Variants in PPP1R9A observed in about 807,000 individuals in gnomAD.
PPP1R9A encodes neurabin-1.
In PPP1R9A, 59 loss-of-function variants were observed where a neutral mutation model predicts 141.9. That is an observed-to-expected ratio of 0.42 (90% CI 0.34 to 0.52). The LOEUF (loss-of-function observed/expected upper bound fraction) is 0.52, where lower values mean the gene tolerates loss of function less well. PPP1R9A is among the 20% of genes least tolerant of loss of function. The probability of loss-of-function intolerance (pLI) is 0.10; values close to 1 mark genes in which losing one functional copy is unlikely to be tolerated. For missense variants in PPP1R9A, 1,444 were observed against 1,611.9 expected, an observed-to-expected ratio of 0.90 and a Z score of 1.78; for synonymous variants, 500 against 569.7, an observed-to-expected ratio of 0.88 and a Z score of 1.74.
At chr7:95,111,478 G>A in intron 3 of PPP1R9A, 87 bp downstream of exon 3, 2 of 1,267,988 alleles carry the variant, frequency 1.6e-6, no homozygotes, top group East Asian at 2.5e-5. Context: ...TTTTTTCTAA[G>A]GATTGGATAA....
chr7:95,141,278 T>C (rs1826632698), intron 4 of PPP1R9A, among the ~76,000 whole-genome samples: 1 of 152,180 alleles, frequency 6.6e-6, no homozygotes, highest in African/African-American at 2.4e-5. Flanking sequence ...TATATTTTAT[T>C]GGAATGATGA....
At chr7:95,009,316 TA>T (rs1482109557) in intron 2 of PPP1R9A, among the ~76,000 whole-genome samples, 1 of 152,044 alleles carries the variant, frequency 6.6e-6, no homozygotes, top group Non-Finnish European at 1.5e-5. Context: ...AAATATATAT[TA>T]AAAAAAGACT....
rs566573298 is a variant in PPP1R9A, at chr7:94,925,722, C to T, written c.1395+14214C>T. On this transcript the variant is annotated intron_variant, in intron 2 of 19. Coordinates refer to ENST00000433360, the MANE Select transcript of PPP1R9A (RefSeq NM_001166160.2). ...CACCGCTTGGCACATTGTAGGTACA[C>T]AGTTGGTGTTAATAACCTGTTATGT... Among the ~76,000 whole-genome samples, 8 of 152,228 alleles carry T rather than the reference C, an allele frequency of 5.3e-5. No homozygotes were observed. In the East Asian group the frequency reaches 1.2e-3, roughly 22 times the overall value.
chr7:95,078,972 G>A (rs940129677), intron 2 of PPP1R9A, among the ~76,000 whole-genome samples: 1 of 152,084 alleles, frequency 6.6e-6, no homozygotes, highest in African/African-American at 2.4e-5. Context: ...CTGTGCAGAA[G>A]CTCTTTAGTT....
intron 2 of PPP1R9A, among the ~76,000 whole-genome samples, chr7:95,016,540 C>A (rs1271446099): frequency 6.6e-6 from 1 of 151,820 alleles, no homozygotes; most frequent in Non-Finnish European, 1.5e-5. Flanking sequence ...CCTAAGAATA[C>A]AAGGTTTATT....
chr7:95,075,426 G>C (rs1271437232), intron 2 of PPP1R9A, among the ~76,000 whole-genome samples: 1 of 152,104 alleles, frequency 6.6e-6, no homozygotes, highest in East Asian at 1.9e-4. Context: ...ACATTACCAG[G>C]AAGAAAAACA....
At chr7:95,259,435 G>A (rs573373933) in intron 12 of PPP1R9A, among the ~76,000 whole-genome samples, 3 of 152,054 alleles carry the variant, frequency 2.0e-5, no homozygotes, top group African/African-American at 7.2e-5. Flanking sequence ...ATTAGTTTAA[G>A]GTTTAGTAAG....
intron 5 of PPP1R9A, among the ~76,000 whole-genome samples, chr7:95,173,415 C>A (rs1353888299): frequency 6.6e-6 from 1 of 151,752 alleles, no homozygotes; most frequent in Non-Finnish European, 1.5e-5. Flanking sequence ...TGCATATATA[C>A]CCTCTAAATG....
intron 2 of PPP1R9A, among the ~76,000 whole-genome samples, chr7:94,954,708 T>C (rs991141186): frequency 5.3e-5 from 8 of 151,502 alleles, no homozygotes; most frequent in African/African-American, 1.9e-4. Flanking sequence ...GTTTTTTTTT[T>C]CCTCTTTTTT....
At chr7:95,247,356 C>T (rs929576932) in intron 8 of PPP1R9A, 117 bp from the exon 9 acceptor site, 6 of 738,396 alleles carry the variant, frequency 8.1e-6, no homozygotes, top group Non-Finnish European at 1.1e-5. Context: ...ACTTGCTGCA[C>T]TGCAGCACTT....
intron 5 of PPP1R9A, among the ~76,000 whole-genome samples, chr7:95,176,061 C>T (rs776870905): frequency 5.3e-5 from 8 of 151,812 alleles, no homozygotes; most frequent in Admixed American, 3.3e-4. Context: ...TCAGAAAACC[C>T]GAGAGGACCC....
chr7:95,265,094 G>A (rs955281783), intron 12 of PPP1R9A, among the ~76,000 whole-genome samples: 2 of 152,048 alleles, frequency 1.3e-5, no homozygotes, highest in African/African-American at 4.8e-5. Flanking sequence ...TTTTATTCTT[G>A]GATATATGTA....
intron 2 of PPP1R9A, among the ~76,000 whole-genome samples, chr7:95,020,373 A>C (rs1805762104): frequency 6.6e-6 from 1 of 152,352 alleles, no homozygotes; most frequent in East Asian, 1.9e-4. Flanking sequence ...AAACGAAGAT[A>C]TAAATTAAAT....
intron 2 of PPP1R9A, among the ~76,000 whole-genome samples, chr7:95,074,020 C>T (rs907203815): frequency 3.3e-5 from 5 of 152,186 alleles, no homozygotes; most frequent in Non-Finnish European, 5.9e-5. Context: ...AGCTATGCTG[C>T]TTGGAATTGA....
intron 8 of PPP1R9A, among the ~76,000 whole-genome samples, chr7:95,239,064 T>A (rs1467393954): frequency 6.6e-6 from 1 of 152,160 alleles, no homozygotes; most frequent in Non-Finnish European, 1.5e-5. Flanking sequence ...TTTTTTTGAA[T>A]GTGTTGCTTT....
chr7:94,962,156 A>G (rs551714274), intron 2 of PPP1R9A, among the ~76,000 whole-genome samples: 208 of 152,092 alleles, frequency 1.4e-3, no homozygotes, highest in African/African-American at 4.9e-3. Flanking sequence ...ACTTTAAAAA[A>G]TATTTGTTTA....
chr7:95,077,988 TTTA>T lies in PPP1R9A; in HGVS notation c.1396-33270_1396-33268del, dbSNP rs1181367447. 3.9e-3 allele frequency among the ~76,000 whole-genome samples: 586 copies of T among 149,706 alleles called. 8 individuals carry two copies. Among genetic ancestry groups the T allele is most frequent in the African/African-American group, 0.014 (557 of 39,332 alleles). ...TATCTTCTACTCTGTTTTTTTTTTT[TTTA>T]ATTATACTTTTAAGTTTTAGGGTAC... is the stretch of plus-strand genomic sequence containing the variant. On this transcript the variant is annotated intron_variant, in intron 2 of 19. Transcript: ENST00000433360.
intron 2 of PPP1R9A, among the ~76,000 whole-genome samples, chr7:94,972,439 A>C (rs751877070): frequency 5.3e-5 from 8 of 151,558 alleles, no homozygotes; most frequent in Non-Finnish European, 1.0e-4. Flanking sequence ...CAAATGTGAC[A>C]GGCTTCTTGT....
chr7:95,202,523 G>GT (rs397726950), intron 6 of PPP1R9A: 233,483 of 582,754 alleles, frequency 0.4, 31,303 homozygotes, highest in South Asian at 0.47. Flanking sequence ...TTGATCACTT[G>GT]TTTTTTTTTT....
Sources: gnomAD v4.1 joint callset for allele counts (sites outside exome capture counted in the v4.1 genomes callset) on GRCh38, gnomAD v4.1.1 for gene constraint, MANE v1.5 for transcripts, NCBI Gene and HGNC (gene_info 2026-07-23, HGNC 2026-07-21) for gene names.